Variants in ABTB3 observed in about 807,000 individuals in gnomAD.
The protein encoded by ABTB3 is ankyrin repeat- and BTB/POZ domain-containing protein 3.
At chr12:107,488,843 T>G in the ABTB3 span, among the ~76,000 whole-genome samples, 2 of 152,060 alleles carry the variant, frequency 1.3e-5, no homozygotes, top group Non-Finnish European at 2.9e-5. Context: ...AAAAGACCGT[T>G]GGAATGCTAT....
the ABTB3 span, among the ~76,000 whole-genome samples, chr12:107,438,674 CTGT>C: frequency 6.6e-6 from 1 of 152,212 alleles, no homozygotes; most frequent in East Asian, 1.9e-4. Context: ...CAATAAATTG[CTGT>C]TGTTGCCCTC....
At chr12:107,443,214 A>T in the ABTB3 span, among the ~76,000 whole-genome samples, 845 of 151,950 alleles carry the variant, frequency 5.6e-3, 5 homozygotes, top group African/African-American at 0.019. Flanking sequence ...AGTGGGATGC[A>T]TTTGCTCAGA....
the ABTB3 span, among the ~76,000 whole-genome samples, chr12:107,358,797 G>C: frequency 1.3e-5 from 2 of 152,182 alleles, no homozygotes; most frequent in African/African-American, 4.8e-5. Flanking sequence ...GTTTCACCAT[G>C]TTGACCGGGC....
chr12:107,462,749 G>A, the ABTB3 span, among the ~76,000 whole-genome samples: 1 of 151,192 alleles, frequency 6.6e-6, no homozygotes, highest in Non-Finnish European at 1.5e-5. Context: ...GGTGGTGATA[G>A]TAACAATGGT....
At chr12:107,452,972 A>G in the ABTB3 span, among the ~76,000 whole-genome samples, 1 of 152,304 alleles carries the variant, frequency 6.6e-6, no homozygotes, top group South Asian at 2.1e-4. Context: ...TGGGGCTGAG[A>G]CGCCTTTTGA....
chr12:107,355,553 C>T, the ABTB3 span, among the ~76,000 whole-genome samples: 14 of 152,216 alleles, frequency 9.2e-5, no homozygotes, highest in Non-Finnish European at 1.8e-4. Context: ...CCCTCATCCC[C>T]CACCCTGCCA....
At chr12:107,573,511 T>C in the ABTB3 span, among the ~76,000 whole-genome samples, 2 of 151,736 alleles carry the variant, frequency 1.3e-5, no homozygotes, top group Admixed American at 1.3e-4. Context: ...GATGGATGGA[T>C]AGATGGAACA....
At chr12:107,455,093 T>C in the ABTB3 span, among the ~76,000 whole-genome samples, 10 of 152,328 alleles carry the variant, frequency 6.6e-5, no homozygotes, top group African/African-American at 2.2e-4. Context: ...TCTAGATTAG[T>C]ACTTTCAGTT....
the ABTB3 span, among the ~76,000 whole-genome samples, chr12:107,404,178 A>AAG: frequency 1.3e-5 from 2 of 149,766 alleles, no homozygotes; most frequent in Admixed American, 6.6e-5. Context: ...AAAAAAAAAA[A>AAG]AAAAAAAAAG....
chr12:107,586,511 T>C, the ABTB3 span, among the ~76,000 whole-genome samples: 3 of 152,132 alleles, frequency 2.0e-5, no homozygotes, highest in Non-Finnish European at 4.4e-5. Context: ...TGCCAACCCC[T>C]TCTTCACCTC....
the ABTB3 span, among the ~76,000 whole-genome samples, chr12:107,336,344 A>G: frequency 1.3e-5 from 2 of 152,202 alleles, no homozygotes; most frequent in Non-Finnish European, 2.9e-5. Flanking sequence ...TCAATCGTCT[A>G]ATCTGGTTGA....
the ABTB3 span, chr12:107,641,957 G>C: frequency 1.2e-6 from 1 of 800,904 alleles, no homozygotes; most frequent in Non-Finnish European, 2.2e-6. Flanking sequence ...GAAATGTAAG[G>C]ATATACCAGT....
chr12:107,625,711 T>A, the ABTB3 span, among the ~76,000 whole-genome samples: 1 of 151,876 alleles, frequency 6.6e-6, no homozygotes, highest in East Asian at 1.9e-4. Context: ...GTGGGAGGGA[T>A]GCCTCATTAT....
the ABTB3 span, among the ~76,000 whole-genome samples, chr12:107,529,386 T>C: frequency 6.6e-6 from 1 of 151,428 alleles, no homozygotes; most frequent in Non-Finnish European, 1.5e-5. Context: ...GTGACAGTGA[T>C]GGTGATGATG....
the ABTB3 span, among the ~76,000 whole-genome samples, chr12:107,457,469 ACTT>A: frequency 6.6e-6 from 1 of 152,162 alleles, no homozygotes; most frequent in Admixed American, 6.5e-5. Flanking sequence ...ATTTCCTGAC[ACTT>A]CTTATTTATA....
chr12:107,443,199 A>T, the ABTB3 span, among the ~76,000 whole-genome samples: 1 of 152,018 alleles, frequency 6.6e-6, no homozygotes, highest in African/African-American at 2.4e-5. Flanking sequence ...AAAAATCTAT[A>T]AGGGAGTGGG....
chr12:107,656,125 T>TA, the ABTB3 span, among the ~76,000 whole-genome samples: 8 of 122,878 alleles, frequency 6.5e-5, no homozygotes, highest in South Asian at 2.7e-4. Flanking sequence ...CCATCTCTAT[T>TA]AAAAAAAATA....
At chr12:107,404,660 G>T in the ABTB3 span, among the ~76,000 whole-genome samples, 1 of 152,158 alleles carries the variant, frequency 6.6e-6, no homozygotes, top group Non-Finnish European at 1.5e-5. Context: ...TGTATACCCG[G>T]GTTTTCTACC....
the ABTB3 span, chr12:107,642,037 G>A: frequency 6.5e-7 from 1 of 1,541,032 alleles, no homozygotes. Context: ...TTTTTTGTGA[G>A]CCATGGATTT....
Sources: allele counts gnomAD v4.1 joint callset (sites outside exome capture counted in the v4.1 genomes callset), GRCh38; gene constraint gnomAD v4.1.1; transcripts MANE v1.5; gene names NCBI Gene and HGNC (gene_info 2026-07-23, HGNC 2026-07-21).